The following ADCY2 variants were observed in gnomAD, a reference collection of about 807,000 sequenced individuals.
The protein encoded by ADCY2 is adenylate cyclase 2.
ADCY2 carries 31 observed loss-of-function variants against 125.2 expected under a neutral mutation model. The ratio of observed to expected loss-of-function variants is 0.25; its 90% CI spans 0.19 to 0.33. ADCY2 has a LOEUF of 0.33. Ranked by LOEUF, ADCY2 falls within the 10% of genes least tolerant of loss-of-function variation. The pLI, the probability that ADCY2 is intolerant of heterozygous loss-of-function variation, is 1.00. For synonymous variants in ADCY2, 512 were observed against 548.4 expected, an observed-to-expected ratio of 0.93 and a Z score of 0.93; for missense variants, 904 against 1,418.2, an observed-to-expected ratio of 0.64 and a Z score of 5.82.
chr5:7,744,993 C>G (rs189776553), intron 15 of ADCY2, among the ~76,000 whole-genome samples: 37 of 152,326 alleles, frequency 2.4e-4, no homozygotes, highest in Non-Finnish European at 8.8e-5. Context: ...TCTGTTACCT[C>G]TCAGGAGTAT....
chr5:7,823,126 T>A (rs1415544500), intron 24 of ADCY2, among the ~76,000 whole-genome samples: 1 of 152,250 alleles, frequency 6.6e-6, no homozygotes, highest in African/African-American at 2.4e-5. Context: ...ATATCTTTAA[T>A]TTTTGTATGG....
intron 15 of ADCY2, among the ~76,000 whole-genome samples, chr5:7,744,978 GC>G (rs1427829813): frequency 6.6e-6 from 1 of 152,296 alleles, no homozygotes; most frequent in African/African-American, 2.4e-5. Context: ...GAGGTTTGTG[GC>G]CTGTCTGTTA....
intron 3 of ADCY2, among the ~76,000 whole-genome samples, chr5:7,603,801 T>C: frequency 7.0e-6 from 1 of 143,286 alleles, no homozygotes; most frequent in African/African-American, 2.7e-5. Flanking sequence ...TTTTTTTTTT[T>C]TTTTTTTTCT....
chr5:7,518,384 CA>C (rs1744325106), intron 2 of ADCY2, among the ~76,000 whole-genome samples: 1 of 152,156 alleles, frequency 6.6e-6, no homozygotes, highest in South Asian at 2.1e-4. Flanking sequence ...TCTTCCCAGC[CA>C]AACTTTGCAT....
At chr5:7,816,260 G>A (rs1283406605) in intron 22 of ADCY2, among the ~76,000 whole-genome samples, 1 of 152,240 alleles carries the variant, frequency 6.6e-6, no homozygotes, top group Non-Finnish European at 1.5e-5. Flanking sequence ...AGAGAGAGCT[G>A]CAGTGCAGAG....
At chr5:7,539,832 C>T (rs990671455) in intron 3 of ADCY2, among the ~76,000 whole-genome samples, 6 of 152,200 alleles carry the variant, frequency 3.9e-5, no homozygotes, top group South Asian at 2.1e-4. Context: ...AGGCAGTGTT[C>T]GGGCTTGGCC....
intron 4 of ADCY2, among the ~76,000 whole-genome samples, chr5:7,648,586 C>G (rs1233339604): frequency 2.0e-5 from 3 of 152,122 alleles, no homozygotes; most frequent in Non-Finnish European, 4.4e-5. Flanking sequence ...TTAAGAAAAA[C>G]TTTGCCAAGT....
chr5:7,407,759 C>T (rs1739554608), intron 1 of ADCY2, among the ~76,000 whole-genome samples: 1 of 152,012 alleles, frequency 6.6e-6, no homozygotes, highest in Non-Finnish European at 1.5e-5. Flanking sequence ...CAGAAGCCGG[C>T]CTGGGACCCC....
At chr5:7,525,527 G>A (rs77079928) in intron 3 of ADCY2, among the ~76,000 whole-genome samples, 3,125 of 152,104 alleles carry the variant, frequency 0.021, 127 homozygotes, top group African/African-American at 0.071. Flanking sequence ...TGAAAGAATC[G>A]GGAGCCCTGA....
Position 7,802,071 on chromosome 5 carries a change from T to G in ADCY2, c.2629-147T>G. 9.6e-5 allele frequency: 74 copies of G among 767,420 alleles called. No individual in the cohort carries two copies. The highest frequency in any genetic ancestry group is 1.2e-4 in the Non-Finnish European group (61 of 488,042). The allele number at this position is 767,420 out of a possible 1,614,324, so 47.5% of individuals were successfully genotyped here. A position where few individuals can be genotyped will look rare whatever the true frequency, so the allele number is the denominator to read the frequency against. On this transcript the variant is annotated intron_variant, in intron 20 of 24. Coordinates refer to ENST00000338316, the MANE Select transcript of ADCY2 (RefSeq NM_020546.3). This position sits in a 1 kb window ranked among gnomAD's most constrained non-coding sequence, Gnocchi z 4.6. ...CCTGAGAGCAGCGGCAGCATCTGGA[T>G]TGGGCCGCGGCTGGGGTGGGGCAAG...
intron 3 of ADCY2, among the ~76,000 whole-genome samples, chr5:7,531,969 G>A (rs1349494550): frequency 6.6e-6 from 1 of 152,190 alleles, no homozygotes; most frequent in African/African-American, 2.4e-5. Context: ...ATTCTTTAAG[G>A]CCAGAGAGTC....
chr5:7,803,238 T>G (rs1744654838), intron 21 of ADCY2, among the ~76,000 whole-genome samples: 1 of 152,152 alleles, frequency 6.6e-6, no homozygotes, highest in African/African-American at 2.4e-5. Context: ...CAGCTGCTCC[T>G]CAGTGAAATA....
At chr5:7,817,056 T>A in intron 23 of ADCY2, 76 bp downstream of exon 23, 1 of 1,127,736 alleles carries the variant, frequency 8.9e-7, no homozygotes, top group Non-Finnish European at 1.3e-6. Flanking sequence ...GAGATATTGA[T>A]GATCCTTTCA....
rs186028038 is a variant in ADCY2, at chr5:7,702,914, G to A, written c.1110-3830G>A. 3.8e-3 allele frequency among the ~76,000 whole-genome samples: 577 copies of A among 152,190 alleles called. 4 individuals are homozygous for A. Among genetic ancestry groups the A allele is most frequent in the African/African-American group, 0.013 (546 of 41,546 alleles). ...GTTGTTTTCTGACTTTTTAATGATC[G>A]CCATTCTGACTGGTGTGAGTTGGTA... On this transcript the variant is annotated intron_variant, in intron 7 of 24. Coordinates refer to ENST00000338316, the MANE Select transcript of ADCY2 (RefSeq NM_020546.3).
intron 5 of ADCY2, 45 bp downstream of exon 5, chr5:7,690,884 G>C: frequency 5.5e-6 from 8 of 1,455,156 alleles, no homozygotes; most frequent in Non-Finnish European, 7.3e-6. Context: ...GAGTCTGCCT[G>C]ACTGGAGACA....
chr5:7,409,775 A>G (rs1294831592), intron 1 of ADCY2, among the ~76,000 whole-genome samples: 1 of 152,186 alleles, frequency 6.6e-6, no homozygotes, highest in Non-Finnish European at 1.5e-5. Context: ...GGGAGCTGAA[A>G]TTGTCTGCTC....
intron 2 of ADCY2, among the ~76,000 whole-genome samples, chr5:7,513,226 C>G (rs1744137986): frequency 6.6e-6 from 1 of 151,930 alleles, no homozygotes; most frequent in Admixed American, 6.6e-5. Context: ...CTCAAAGAAT[C>G]TGTAACACTG....
intron 4 of ADCY2, among the ~76,000 whole-genome samples, chr5:7,690,078 C>T (rs1740658150): frequency 6.6e-6 from 1 of 152,138 alleles, no homozygotes; most frequent in Admixed American, 6.5e-5. Context: ...ACTCAAAAAG[C>T]TCATATGTTA....
At chr5:7,553,865 C>G (rs1735422207) in intron 3 of ADCY2, among the ~76,000 whole-genome samples, 1 of 152,122 alleles carries the variant, frequency 6.6e-6, no homozygotes, top group South Asian at 2.1e-4. Context: ...GGACACAGAG[C>G]TAGAAGCACG....
Sources: gnomAD v4.1 joint callset for allele counts (sites outside exome capture counted in the v4.1 genomes callset) on GRCh38, gnomAD v4.1.1 for gene constraint, Gnocchi (gnomAD v3.1) non-coding constraint, MANE v1.5 for transcripts, NCBI Gene and HGNC (gene_info 2026-07-23, HGNC 2026-07-21) for gene names.